EXOC4: variants seen among roughly 807,000 people sequenced by gnomAD.
EXOC4 encodes SEC8-like 1.
EXOC4 carries 71 observed loss-of-function variants against 107.2 expected under a neutral mutation model. The observed-to-expected ratio is 0.66, with a 90% confidence interval of 0.55 to 0.81. The LOEUF is 0.81. Ranked by LOEUF, EXOC4 falls within the 30% of genes least tolerant of loss-of-function variation. The pLI, the probability that EXOC4 is intolerant of heterozygous loss-of-function variation, is 0.00. For synonymous variants in EXOC4, 456 were observed against 441.2 expected, an observed-to-expected ratio of 1.03 and a Z score of -0.42; for missense variants, 1,108 against 1,189.6, an observed-to-expected ratio of 0.93 and a Z score of 1.01.
chr7:133,383,648 A>G (rs1286768504), intron 7 of EXOC4, among the ~76,000 whole-genome samples: 1 of 152,160 alleles, frequency 6.6e-6, no homozygotes, highest in Non-Finnish European at 1.5e-5. Context: ...TGTAATTTCT[A>G]TTTTGAATTC....
At chr7:133,752,152 C>A (rs924702001) in intron 10 of EXOC4, among the ~76,000 whole-genome samples, 1 of 152,090 alleles carries the variant, frequency 6.6e-6, no homozygotes, top group African/African-American at 2.4e-5. Context: ...CAGAGTGAGA[C>A]CCTTTCTCTT....
intron 9 of EXOC4, among the ~76,000 whole-genome samples, chr7:133,489,907 T>C (rs984344092): frequency 2.0e-5 from 3 of 152,194 alleles, no homozygotes; most frequent in Non-Finnish European, 4.4e-5. Flanking sequence ...AATAGGAACA[T>C]TTCTAACTTG....
chr7:134,056,140 T>TATAA (rs1795916604), intron 17 of EXOC4, among the ~76,000 whole-genome samples: 1 of 152,226 alleles, frequency 6.6e-6, no homozygotes, highest in Non-Finnish European at 1.5e-5. Flanking sequence ...CACTAAAGTA[T>TATAA]ATAATACAAT....
intron 10 of EXOC4, among the ~76,000 whole-genome samples, chr7:133,779,138 G>A (rs1237821553): frequency 6.6e-6 from 1 of 152,182 alleles, no homozygotes; most frequent in Non-Finnish European, 1.5e-5. Flanking sequence ...ATTACCTTTG[G>A]AGTTTAAATG....
intron 10 of EXOC4, chr7:133,767,950 C>T (rs1463782658): frequency 6.6e-6 from 1 of 151,894 alleles, no homozygotes; most frequent in Middle Eastern, 3.2e-3. Context: ...AGTTTTAGGG[C>T]AATATGCATG....
intron 10 of EXOC4, among the ~76,000 whole-genome samples, chr7:133,640,238 A>G (rs1175130565): frequency 6.6e-6 from 1 of 152,124 alleles, no homozygotes; most frequent in African/African-American, 2.4e-5. Flanking sequence ...TGTGAATTCT[A>G]TCCCTACAGA....
At chr7:134,091,116 G>A in the EXOC4 span, among the ~76,000 whole-genome samples, 5 of 152,108 alleles carry the variant, frequency 3.3e-5, no homozygotes, top group Admixed American at 3.3e-4. Flanking sequence ...GACCCCAAGA[G>A]AAGGTTCTTG....
intron 7 of EXOC4, among the ~76,000 whole-genome samples, chr7:133,463,152 G>A (rs1241430440): frequency 6.6e-6 from 1 of 152,126 alleles, no homozygotes; most frequent in Non-Finnish European, 1.5e-5. Flanking sequence ...TTAGAAGAGG[G>A]ACTGGACATG....
intron 11 of EXOC4, among the ~76,000 whole-genome samples, chr7:133,856,877 G>A (rs62470398): frequency 0.87 from 131,752 of 150,748 alleles, 57,693 homozygotes; most frequent in East Asian, 0.99. Flanking sequence ...AAGGCAGGCG[G>A]ATCACGAGGT....
chr7:133,570,031 A>G (rs937048059), intron 9 of EXOC4, among the ~76,000 whole-genome samples: 1 of 152,220 alleles, frequency 6.6e-6, no homozygotes, highest in African/African-American at 2.4e-5. Context: ...CCAAGATGTC[A>G]GTGCTGCCGA....
intron 2 of EXOC4, among the ~76,000 whole-genome samples, chr7:133,277,563 C>T (rs982989299): frequency 2.0e-5 from 3 of 152,176 alleles, no homozygotes; most frequent in Admixed American, 1.3e-4. Context: ...TTAGTAGCCA[C>T]GTTTCTTACC....
chr7:133,533,428 C>T (rs959419198), intron 9 of EXOC4, among the ~76,000 whole-genome samples: 1 of 152,064 alleles, frequency 6.6e-6, no homozygotes, highest in Non-Finnish European at 1.5e-5. Flanking sequence ...AGTGACTCAT[C>T]GGTACAGGTT....
intron 11 of EXOC4, among the ~76,000 whole-genome samples, chr7:133,855,042 T>TATAAATATATCTAA (rs1798319836): frequency 1.3e-5 from 1 of 75,690 alleles, no homozygotes; most frequent in Non-Finnish European, 2.3e-5. Context: ...TCTAAATATA[T>TATAAATATATCTAA]ATATATCTAA....
At chr7:133,538,042 G>A (rs1183317972) in intron 9 of EXOC4, among the ~76,000 whole-genome samples, 1 of 152,060 alleles carries the variant, frequency 6.6e-6, no homozygotes, top group African/African-American at 2.4e-5. Context: ...GAGGCCATAA[G>A]AGTATTTTTA....
intron 17 of EXOC4, among the ~76,000 whole-genome samples, chr7:134,018,659 C>T (rs1794962864): frequency 6.6e-6 from 1 of 152,006 alleles, no homozygotes; most frequent in Admixed American, 6.6e-5. Flanking sequence ...ATTAATACCT[C>T]ATTATGTGCT....
intron 6 of EXOC4, among the ~76,000 whole-genome samples, chr7:133,361,244 C>T (rs1241208047): frequency 2.0e-5 from 3 of 152,090 alleles, no homozygotes; most frequent in Admixed American, 6.6e-5. Flanking sequence ...TCTTGATATG[C>T]CATTTTCACT....
chr7:133,823,939 ATATATATAG>A (rs1563015252), intron 11 of EXOC4, among the ~76,000 whole-genome samples: 1 of 103,474 alleles, frequency 9.7e-6, no homozygotes, highest in African/African-American at 3.7e-5. Context: ...TATATATATT[ATATATATAG>A]TTGAGGCTTT....
intron 10 of EXOC4, among the ~76,000 whole-genome samples, chr7:133,725,332 T>C (rs1795192686): frequency 6.6e-6 from 1 of 152,186 alleles, no homozygotes; most frequent in African/African-American, 2.4e-5. Flanking sequence ...TTTTTTCTTA[T>C]AAAGGGCTAG....
intron 17 of EXOC4, among the ~76,000 whole-genome samples, chr7:134,056,696 CAG>C (rs1795933302): frequency 6.6e-6 from 1 of 152,154 alleles, no homozygotes; most frequent in African/African-American, 2.4e-5. Context: ...TCTGATGTAG[CAG>C]AGAGTGACAT....
Sources: gnomAD v4.1 joint callset for allele counts (sites outside exome capture counted in the v4.1 genomes callset) on GRCh38, gnomAD v4.1.1 for gene constraint, MANE v1.5 for transcripts, NCBI Gene and HGNC (gene_info 2026-07-23, HGNC 2026-07-21) for gene names.